LIN54: variants seen among roughly 807,000 people sequenced by gnomAD.
LIN54 encodes lin-54 DREAM MuvB core complex component, also known as protein lin-54 homolog.
LIN54 carries 9 observed loss-of-function variants against 78.7 expected under a neutral mutation model. The ratio of observed to expected loss-of-function variants is 0.11; its 90% CI spans 0.07 to 0.20. LIN54 has a LOEUF of 0.20. LIN54 is among the 10% of genes least tolerant of loss of function. LIN54 has a pLI of 1.00. For synonymous variants in LIN54, 269 were observed against 318.4 expected, an observed-to-expected ratio of 0.84 and a Z score of 1.65; for missense variants, 573 against 889.9, an observed-to-expected ratio of 0.64 and a Z score of 4.53.
At chr4:82,945,644 C>A (rs867518922) in intron 5 of LIN54, among the ~76,000 whole-genome samples, 1 of 152,052 alleles carries the variant, frequency 6.6e-6, no homozygotes, top group Non-Finnish European at 1.5e-5. Flanking sequence ...CAGGCACACA[C>A]CACCACACCC....
intron 4 of LIN54, among the ~76,000 whole-genome samples, chr4:82,949,778 C>G (rs952997631): frequency 6.6e-6 from 1 of 151,134 alleles, no homozygotes; most frequent in African/African-American, 2.4e-5. Context: ...CATAGGCTGC[C>G]TTTTCATTTT....
At position 82,997,467 on chromosome 4, in the gene LIN54, TA is replaced by T. The variant is rs1237851401; in HGVS notation, c.-32-12592del. ...TACTTTTTATCAGTCATTTAATTAA[TA>T]AAATACTTCTTGCTTCCTAACTTTG... is the stretch of plus-strand genomic sequence containing the variant. On this transcript the variant is annotated intron_variant, in intron 1 of 12. Coordinates refer to ENST00000340417, the MANE Select transcript of LIN54 (RefSeq NM_194282.4). Among the ~76,000 whole-genome samples the T allele has an allele frequency of 2.0e-5, 3 of 152,202 alleles. No homozygotes were observed. The East Asian group carries it at 5.8e-4, about 29-fold the overall frequency.
At chr4:82,986,148 T>C (rs1452923893) in intron 1 of LIN54, among the ~76,000 whole-genome samples, 1 of 152,010 alleles carries the variant, frequency 6.6e-6, no homozygotes, top group African/African-American at 2.4e-5. Context: ...AGAGTCTCGC[T>C]CTTGTTACCC....
At chr4:82,930,890 C>G in intron 12 of LIN54, 53 bp downstream of exon 12, 1 of 1,551,032 alleles carries the variant, frequency 6.4e-7, no homozygotes, top group Non-Finnish European at 8.9e-7. Context: ...TGAAAAGAAA[C>G]TTTACCAAAA....
At chr4:83,003,832 T>A (rs1210812873) in intron 1 of LIN54, among the ~76,000 whole-genome samples, 2 of 152,154 alleles carry the variant, frequency 1.3e-5, no homozygotes, top group African/African-American at 4.8e-5. Flanking sequence ...GACCTAATTT[T>A]TTTTTAAAAA....
chr4:82,946,588 T>C, intron 4 of LIN54, 114 bp from the exon 5 acceptor site: 1 of 791,720 alleles, frequency 1.3e-6, no homozygotes, highest in Non-Finnish European at 2.0e-6. Context: ...CATCAAAAGC[T>C]GCTGAAAGGA....
chr4:82,984,900 A>G (rs1219567567), intron 1 of LIN54, 24 bp from the exon 2 acceptor site: 3 of 1,473,720 alleles, frequency 2.0e-6, no homozygotes, highest in Non-Finnish European at 2.7e-6. Context: ...TGAAAAATGA[A>G]CAAGTTACTA....
chr4:82,966,911 G>A (rs184414743), intron 4 of LIN54, among the ~76,000 whole-genome samples: 4 of 149,152 alleles, frequency 2.7e-5, no homozygotes, highest in Admixed American at 6.7e-5. Flanking sequence ...ACCCAGCCCC[G>A]ACATCTGAAT....
In LIN54 at chr4:82,977,074, A is replaced by C. The variant is rs577418709; in HGVS notation, c.808+1809T>G. Among the ~76,000 whole-genome samples the C allele has an allele frequency of 2.0e-5, 3 of 152,326 alleles. No individual in the cohort carries two copies. In the South Asian group the frequency reaches 6.2e-4, roughly 32 times the overall value. On this transcript the variant is annotated intron_variant, in intron 3 of 12. Transcript: ENST00000340417. The stretch of plus-strand genomic sequence containing the variant: ...ATGATAGTCACGGTGAACTCTTGAC[A>C]ATAACCAAAAATTCATTCAGACACT...
chr4:82,997,326 T>G (rs1328327081), intron 1 of LIN54, among the ~76,000 whole-genome samples: 1 of 152,120 alleles, frequency 6.6e-6, no homozygotes, highest in Admixed American at 6.6e-5. Flanking sequence ...ACTAACAAAC[T>G]GAGAAACTCC....
At chr4:82,952,303 G>T (rs1045938783) in intron 4 of LIN54, among the ~76,000 whole-genome samples, 3 of 152,134 alleles carry the variant, frequency 2.0e-5, no homozygotes, top group African/African-American at 4.8e-5. Flanking sequence ...ATTTTAAAAT[G>T]AGCAAAGAAC....
intron 2 of LIN54, among the ~76,000 whole-genome samples, chr4:82,981,177 T>C (rs1310935130): frequency 6.6e-6 from 1 of 152,154 alleles, no homozygotes; most frequent in African/African-American, 2.4e-5. Flanking sequence ...GTAAAATATG[T>C]CATCAAATAA....
intron 1 of LIN54, among the ~76,000 whole-genome samples, chr4:83,008,369 G>A (rs1457662571): frequency 6.6e-6 from 1 of 152,058 alleles, no homozygotes; most frequent in African/African-American, 2.4e-5. Flanking sequence ...AGTGAAAATC[G>A]GCCGGGCGCA....
intron 2 of LIN54, among the ~76,000 whole-genome samples, chr4:82,983,277 G>A (rs1253343101): frequency 1.3e-5 from 2 of 152,022 alleles, no homozygotes; most frequent in African/African-American, 2.4e-5. Context: ...CCAAAGTGCT[G>A]GGTGGGATTA....
At chr4:82,989,250 T>C (rs1309605999) in intron 1 of LIN54, among the ~76,000 whole-genome samples, 2 of 152,142 alleles carry the variant, frequency 1.3e-5, no homozygotes, top group African/African-American at 4.8e-5. Context: ...TTATGTATAC[T>C]GTGAAGTTAT....
At chr4:83,006,275 C>T (rs1232060707) in intron 1 of LIN54, among the ~76,000 whole-genome samples, 2 of 151,860 alleles carry the variant, frequency 1.3e-5, no homozygotes, top group East Asian at 3.9e-4. Flanking sequence ...CGGTGAAACC[C>T]CATCTGAACT....
intron 4 of LIN54, among the ~76,000 whole-genome samples, chr4:82,963,500 G>A (rs933824892): frequency 6.6e-6 from 1 of 152,054 alleles, no homozygotes; most frequent in African/African-American, 2.4e-5. Flanking sequence ...AGCTAAAACA[G>A]TAAAATGGGT....
At chr4:82,974,844 GTGACAGAC>G (rs1161585124) in intron 3 of LIN54, among the ~76,000 whole-genome samples, 2 of 139,828 alleles carry the variant, frequency 1.4e-5, no homozygotes, top group Non-Finnish European at 1.6e-5. Flanking sequence ...GAGTGACAGA[GTGACAGAC>G]TGTCTCAAAA....
At chr4:82,965,823 T>C (rs557004212) in intron 4 of LIN54, among the ~76,000 whole-genome samples, 1 of 152,284 alleles carries the variant, frequency 6.6e-6, no homozygotes, top group South Asian at 2.1e-4. Context: ...TCAAGGCAGA[T>C]AGCAGTGAGA....
Sources: allele counts gnomAD v4.1 joint callset (sites outside exome capture counted in the v4.1 genomes callset), GRCh38; gene constraint gnomAD v4.1.1; transcripts MANE v1.5; gene names NCBI Gene and HGNC (gene_info 2026-07-23, HGNC 2026-07-21).